Variants in PPP1CC observed in about 807,000 individuals in gnomAD.
PPP1CC encodes serine/threonine-protein phosphatase PP1-gamma catalytic subunit.
Under a neutral mutation model 38.4 loss-of-function variants are expected in PPP1CC, and 16 were observed. The ratio of observed to expected loss-of-function variants is 0.42; its 90% confidence interval spans 0.28 to 0.63. PPP1CC has a LOEUF of 0.63. Among genes scored for constraint, PPP1CC ranks in the 30% least tolerant of loss-of-function variants. The pLI is 0.25. For missense variants in PPP1CC, 170 were observed against 391.3 expected (o/e 0.43, Z 4.77); for synonymous variants, 158 against 136.0 (o/e 1.16, Z -1.13).
intron 3 of PPP1CC, among the ~76,000 whole-genome samples, chr12:110,730,115 T>C (rs141150150): frequency 6.6e-6 from 1 of 152,344 alleles, no homozygotes; most frequent in East Asian, 1.9e-4. Flanking sequence ...TCCCAGTACT[T>C]TGAGTGGCCT....
chr12:110,718,774 G>C (rs1361399817), downstream of PPP1CC, among the ~76,000 whole-genome samples: 1 of 152,120 alleles, frequency 6.6e-6, no homozygotes, highest in African/African-American at 2.4e-5. Context: ...ACTCAAATCA[G>C]GTAGGAGGGG....
chr12:110,720,753 T>A lies in PPP1CC; in HGVS notation c.*323A>T. 1 of 230,794 alleles carries A rather than the reference T, an allele frequency of 4.3e-6. No homozygotes were observed. Among genetic ancestry groups the A allele is most frequent in the Non-Finnish European group, 8.5e-6 (1 of 117,012 alleles). 14.3% of individuals were successfully genotyped at this position (230,794 alleles called of 1,614,324 possible). ...TGAGCATTTACATGATTATGGGTTGTACTGAATTAAAAAAGATCAATTGTA... is the reference window on the plus strand; with the variant it reads ...TGAGCATTTACATGATTATGGGTTGAACTGAATTAAAAAAGATCAATTGTA... On this transcript the variant is annotated 3_prime_UTR_variant, in exon 7 of 7. Transcript: ENST00000335007.
chr12:110,709,080 A>G, the PPP1CC span, among the ~76,000 whole-genome samples: 3 of 152,132 alleles, frequency 2.0e-5, no homozygotes, highest in African/African-American at 7.2e-5. Context: ...TATGAGGAAC[A>G]ATAGAAACAA....
At chr12:110,733,160 G>A (rs1422626544) in intron 1 of PPP1CC, among the ~76,000 whole-genome samples, 2 of 152,058 alleles carry the variant, frequency 1.3e-5, no homozygotes, top group Non-Finnish European at 2.9e-5. Flanking sequence ...AAATACTCCC[G>A]GTGAAAGATG....
intron 3 of PPP1CC, chr12:110,725,700 T>G (rs186244189): frequency 6.6e-6 from 1 of 152,218 alleles, no homozygotes; most frequent in Non-Finnish European, 1.5e-5. Context: ...TCTGGATTGG[T>G]TGAGGATTGT....
chr12:110,740,525 C>T (rs983265667), intron 1 of PPP1CC, among the ~76,000 whole-genome samples: 1 of 152,048 alleles, frequency 6.6e-6, no homozygotes, highest in African/African-American at 2.4e-5. Flanking sequence ...AATGGATCAT[C>T]TTCAACTGTT....
intron 1 of PPP1CC, among the ~76,000 whole-genome samples, chr12:110,734,361 G>A (rs1175886375): frequency 6.6e-6 from 1 of 152,134 alleles, no homozygotes; most frequent in Non-Finnish European, 1.5e-5. Flanking sequence ...TATTTATTTA[G>A]AGACGGAGTT....
downstream of PPP1CC, among the ~76,000 whole-genome samples, chr12:110,715,451 G>C (rs189289931): frequency 3.3e-5 from 5 of 151,986 alleles, no homozygotes; most frequent in Admixed American, 6.6e-5. Flanking sequence ...CTCCCAAGTA[G>C]CTGGGACCAC....
chr12:110,729,153 TCTGACTTGAAACCCTTTA>T (rs1315310371), intron 3 of PPP1CC, among the ~76,000 whole-genome samples: 1 of 151,570 alleles, frequency 6.6e-6, no homozygotes, highest in Non-Finnish European at 1.5e-5. Flanking sequence ...CAAAACCTTT[TCTGACTTGAAACCCTTTA>T]CTGAACTGAT....
chr12:110,721,457 G>C, intron 6 of PPP1CC: 1 of 226,306 alleles, frequency 4.4e-6, no homozygotes, highest in South Asian at 9.7e-5. Flanking sequence ...TCTGATACAG[G>C]GGAAAAAGTT....
the PPP1CC span, among the ~76,000 whole-genome samples, chr12:110,714,289 CTAAG>C: frequency 3.3e-5 from 5 of 152,094 alleles, no homozygotes; most frequent in African/African-American, 4.8e-5. Context: ...GTCCACCCTC[CTAAG>C]TAATACCCAA....
the PPP1CC span, among the ~76,000 whole-genome samples, chr12:110,711,237 T>C: frequency 1.3e-5 from 2 of 152,108 alleles, no homozygotes; most frequent in African/African-American, 2.4e-5. Context: ...CAGAAATACA[T>C]ATATTTCTCT....
At chr12:110,723,042 T>TG (rs2069757562) in intron 4 of PPP1CC, among the ~76,000 whole-genome samples, 1 of 152,244 alleles carries the variant, frequency 6.6e-6, no homozygotes, top group Admixed American at 6.5e-5. Context: ...TTATGATTGA[T>TG]GGCTTATAAT....
chr12:110,727,989 G>A (rs1458201113), intron 3 of PPP1CC, among the ~76,000 whole-genome samples: 3 of 152,196 alleles, frequency 2.0e-5, no homozygotes, highest in Non-Finnish European at 4.4e-5. Flanking sequence ...AACTGATGCA[G>A]CCAGTATCAT....
At chr12:110,742,037 C>G (rs1387710936) in intron 1 of PPP1CC, among the ~76,000 whole-genome samples, 1 of 152,082 alleles carries the variant, frequency 6.6e-6, no homozygotes, top group Non-Finnish European at 1.5e-5. Flanking sequence ...GGAGACCTCT[C>G]CAAGATTAGA....
At chr12:110,740,558 G>A (rs1225451457) in intron 1 of PPP1CC, among the ~76,000 whole-genome samples, 1 of 151,546 alleles carries the variant, frequency 6.6e-6, no homozygotes, top group Admixed American at 6.6e-5. Flanking sequence ...TAACACCCAC[G>A]AGAAAAAAAG....
intron 3 of PPP1CC, 66 bp from the exon 4 acceptor site, chr12:110,724,830 AG>A: frequency 1.1e-6 from 1 of 914,598 alleles, no homozygotes; most frequent in Non-Finnish European, 1.7e-6. Flanking sequence ...TCATTCTCTC[AG>A]GATTAACTTC....
chr12:110,731,994 G>A (rs1214327771), intron 1 of PPP1CC, 93 bp from the exon 2 acceptor site: 3 of 1,396,336 alleles, frequency 2.1e-6, no homozygotes, highest in African/African-American at 2.9e-5. Context: ...GGTTTAACTA[G>A]CTTTCTGAGT....
At chr12:110,730,474 TATG>T in intron 3 of PPP1CC, 52 bp downstream of exon 3, 1 of 1,311,736 alleles carries the variant, frequency 7.6e-7, no homozygotes, top group South Asian at 1.4e-5. Flanking sequence ...GATAATTGTT[TATG>T]ATAAATATCT....
Sources: allele counts gnomAD v4.1 joint callset (sites outside exome capture counted in the v4.1 genomes callset), GRCh38; gene constraint gnomAD v4.1.1; transcripts MANE v1.5; gene names NCBI Gene and HGNC (gene_info 2026-07-23, HGNC 2026-07-21).